The following ANKS1B variants were observed in gnomAD, a reference collection of about 807,000 sequenced individuals.
The protein encoded by ANKS1B is ankyrin repeat and sterile alpha motif domain containing 1B.
Under a neutral mutation model 148.3 loss-of-function variants are expected in ANKS1B, and 36 were observed. That is an observed-to-expected ratio of 0.24 (90% CI 0.19 to 0.32). The LOEUF (loss-of-function observed/expected upper bound fraction) is 0.32, where lower values mean the gene tolerates loss of function less well. Among genes scored for constraint, ANKS1B ranks in the 10% least tolerant of loss-of-function variants. The pLI is 1.00. For missense variants in ANKS1B, 1,157 were observed against 1,542.6 expected (o/e 0.75, Z 4.19); for synonymous variants, 542 against 560.8 (o/e 0.97, Z 0.47).
intron 8 of ANKS1B, among the ~76,000 whole-genome samples, chr12:99,695,029 C>T (rs2053677498): frequency 1.3e-5 from 2 of 152,108 alleles, no homozygotes; most frequent in Non-Finnish European, 2.9e-5. Context: ...CTTTACAAAG[C>T]AAACTGTTTG....
At chr12:98,765,055 C>A (rs570298718) in intron 25 of ANKS1B, among the ~76,000 whole-genome samples, 1 of 152,116 alleles carries the variant, frequency 6.6e-6, no homozygotes, top group Non-Finnish European at 1.5e-5. Context: ...AATCAAAAAC[C>A]GGGACATAAA....
At chr12:99,209,224 G>C (rs1416101794) in intron 14 of ANKS1B, among the ~76,000 whole-genome samples, 1 of 152,146 alleles carries the variant, frequency 6.6e-6, no homozygotes, top group Admixed American at 6.6e-5. Context: ...AACTCGGAAA[G>C]AGCCCAAGTG....
rs182294071 is a variant in ANKS1B, at chr12:99,432,782, T to C, written c.1575+10891A>G. 7.8e-4 allele frequency among the ~76,000 whole-genome samples: 119 copies of C among 152,252 alleles called. 1 individual carries two copies. Among genetic ancestry groups the C allele is most frequent in the African/African-American group, 2.7e-3 (112 of 41,558 alleles). On this transcript the variant is annotated intron_variant, in intron 11 of 26. Coordinates refer to ENST00000683438, the MANE Select transcript of ANKS1B (RefSeq NM_001352186.2). ...GAGAAGGGCTTTCCAGACAATTCAA[T>C]GATAAGTACAAAGAACCTAAGGCAG...
At chr12:99,296,712 A>C (rs12823588) in intron 12 of ANKS1B, among the ~76,000 whole-genome samples, 1 of 152,296 alleles carries the variant, frequency 6.6e-6, no homozygotes, top group Middle Eastern at 3.4e-3. Context: ...AAGAGTAGAG[A>C]CCTTGCTTGT....
At chr12:99,579,075 G>C (rs2097545590) in intron 9 of ANKS1B, among the ~76,000 whole-genome samples, 1 of 151,992 alleles carries the variant, frequency 6.6e-6, no homozygotes, top group Non-Finnish European at 1.5e-5. Flanking sequence ...CTTCAAAAAA[G>C]TTGACAATAA....
chr12:98,747,868 T>C (rs2097934669), intron 26 of ANKS1B, among the ~76,000 whole-genome samples: 1 of 152,162 alleles, frequency 6.6e-6, no homozygotes, highest in African/African-American at 2.4e-5. Flanking sequence ...AGACAAATAT[T>C]GTATGTTCTC....
chr12:99,067,389 A>G (rs982455744), intron 16 of ANKS1B, among the ~76,000 whole-genome samples: 10 of 152,172 alleles, frequency 6.6e-5, no homozygotes, highest in Admixed American at 5.2e-4. Flanking sequence ...CCTTTGACAC[A>G]TTGGGCACCT....
chr12:99,750,017 T>A (rs1488275796), intron 8 of ANKS1B, among the ~76,000 whole-genome samples: 1 of 152,092 alleles, frequency 6.6e-6, no homozygotes, highest in Non-Finnish European at 1.5e-5. Context: ...TGCTGACTTG[T>A]CCACCAGACA....
At chr12:98,906,988 C>T (rs1028251578) in intron 17 of ANKS1B, among the ~76,000 whole-genome samples, 1 of 147,978 alleles carries the variant, frequency 6.8e-6, no homozygotes, top group African/African-American at 2.5e-5. Flanking sequence ...AACATATCAT[C>T]CCCTCACATA....
rs982542148 is a variant in ANKS1B, at chr12:98,922,862, G to A, written c.2779-90726C>T. On this transcript the variant is annotated intron_variant, in intron 17 of 26. Coordinates refer to ENST00000683438, the MANE Select transcript of ANKS1B (RefSeq NM_001352186.2). ...TTCTGATTCATTTGTGGACCTTTGC[G>A]TAAAAATAAAATTTTCTTAGAAATT... Among the ~76,000 whole-genome samples, 12 of 152,206 alleles carry A rather than the reference G, an allele frequency of 7.9e-5. No homozygotes were observed. In the East Asian group the frequency reaches 1.7e-3, roughly 22 times the overall value.
chr12:99,912,846 A>C (rs1049231026), intron 1 of ANKS1B, among the ~76,000 whole-genome samples: 3 of 152,194 alleles, frequency 2.0e-5, no homozygotes, highest in African/African-American at 7.2e-5. Flanking sequence ...ATAGAAGTAG[A>C]GTACTAAACA....
intron 9 of ANKS1B, among the ~76,000 whole-genome samples, chr12:99,556,800 CAG>C (rs1019835484): frequency 6.6e-6 from 1 of 152,030 alleles, no homozygotes; most frequent in Non-Finnish European, 1.5e-5. Flanking sequence ...GTGCTGTGGT[CAG>C]AGAGTATGGT....
At chr12:99,685,212 C>T (rs2098642767) in intron 8 of ANKS1B, among the ~76,000 whole-genome samples, 1 of 152,180 alleles carries the variant, frequency 6.6e-6, no homozygotes, top group Admixed American at 6.5e-5. Context: ...CCAGAATCTA[C>T]AAGGAACTCA....
At chr12:99,359,834 T>C (rs2152424596) in intron 12 of ANKS1B, among the ~76,000 whole-genome samples, 1 of 152,330 alleles carries the variant, frequency 6.6e-6, no homozygotes, top group African/African-American at 2.4e-5. Flanking sequence ...TAATTATTTC[T>C]GTTTATTTTA....
chr12:99,269,704 G>A (rs1243234834), intron 12 of ANKS1B, among the ~76,000 whole-genome samples: 3 of 151,968 alleles, frequency 2.0e-5, no homozygotes, highest in Non-Finnish European at 2.9e-5. Flanking sequence ...GACCACAGGC[G>A]CCCGCCACCA....
chr12:99,324,994 T>C (rs2086030732), intron 12 of ANKS1B, among the ~76,000 whole-genome samples: 1 of 152,114 alleles, frequency 6.6e-6, no homozygotes, highest in Admixed American at 6.6e-5. Flanking sequence ...TAAATACACC[T>C]CATTCCCTTT....
chr12:98,965,267 A>C (rs76918338), intron 17 of ANKS1B, among the ~76,000 whole-genome samples: 3,980 of 152,222 alleles, frequency 0.026, 140 homozygotes, highest in African/African-American at 0.079. Flanking sequence ...TCCTAACTCT[A>C]CCTCATAACC....
At chr12:99,254,659 G>A (rs1213615340) in intron 12 of ANKS1B, among the ~76,000 whole-genome samples, 1 of 152,168 alleles carries the variant, frequency 6.6e-6, no homozygotes, top group Non-Finnish European at 1.5e-5. Flanking sequence ...TAAGTTTTGG[G>A]TAGATGCCCT....
intron 1 of ANKS1B, among the ~76,000 whole-genome samples, chr12:99,825,839 T>C (rs2083113362): frequency 6.6e-6 from 1 of 152,194 alleles, no homozygotes; most frequent in Non-Finnish European, 1.5e-5. Context: ...GGGAAGAATA[T>C]AAAGTCTTTT....
Sources: allele counts gnomAD v4.1 joint callset (sites outside exome capture counted in the v4.1 genomes callset), GRCh38; gene constraint gnomAD v4.1.1; transcripts MANE v1.5; gene names NCBI Gene and HGNC (gene_info 2026-07-23, HGNC 2026-07-21).